Variants in VWCE observed in about 807,000 individuals in gnomAD.
The protein encoded by VWCE is von Willebrand factor C and EGF domain-containing protein.
VWCE carries 68 observed loss-of-function variants against 102.9 expected under a neutral mutation model. The ratio of observed to expected loss-of-function variants is 0.66; its 90% CI spans 0.54 to 0.81. VWCE has a LOEUF of 0.81. Ranked by LOEUF, VWCE falls within the 30% of genes least tolerant of loss-of-function variation. The pLI is 0.00. For missense variants in VWCE, 1,137 were observed against 1,263.6 expected, an observed-to-expected ratio of 0.90 and a Z score of 1.52; for synonymous variants, 497 against 515.4, an observed-to-expected ratio of 0.96 and a Z score of 0.48.
chr11:61,271,302 C>G (rs573676021), intron 14 of VWCE: 3 of 212,966 alleles, frequency 1.4e-5, no homozygotes, highest in Non-Finnish European at 2.9e-5. Context: ...CCTACCACCA[C>G]GCTCGGCTAA....
chr11:61,291,796 A>G (rs1357088137), intron 1 of VWCE, among the ~76,000 whole-genome samples: 1 of 152,266 alleles, frequency 6.6e-6, no homozygotes, highest in African/African-American at 2.4e-5. Context: ...CCTCCTACAG[A>G]TATCTGCCAC....
rs1854548043 is a variant in VWCE, at chr11:61,267,491, G to A, written c.1936C>T (p.Leu646=). 1.2e-6 allele frequency: 2 copies of A among 1,614,064 alleles called. No homozygotes were observed. Among genetic ancestry groups the A allele is most frequent in the Non-Finnish European group, 1.7e-6 (2 of 1,180,030 alleles). ...CAGATGCAGCTCAGACATGGGTCCA[G>A]CACAGACGGGAAGGTCTCGTTGTTA... ...FYNNETFPSV[L]DPCLSCICLL... is the part of the protein sequence containing the mutation. The change falls in exon 16 of 20, where the codon CTG becomes TTG. Residue 646 remains leucine, a synonymous_variant. Transcript: ENST00000335613.
chr11:61,286,413 T>A lies in VWCE; in HGVS notation c.442A>T (p.Thr148Ser). 1 of 1,612,420 alleles carries A rather than the reference T, an allele frequency of 6.2e-7. No individual in the cohort carries two copies. Among genetic ancestry groups the A allele is most frequent in the Non-Finnish European group, 8.5e-7 (1 of 1,179,982 alleles). The change falls in exon 5 of 20, where the codon ACC becomes TCC. Residue 148 changes from threonine to serine, a missense_variant. This residue lies in a region of VWCE where 575 missense variants were observed against 625.9 expected (regional missense o/e 0.92). Transcript: ENST00000335613. ...ACACAGTGGCCCTCGCAGGAGGAGG[T>A]TACACATTCGTCAATGTCTGGAAAG... is the stretch of plus-strand genomic sequence containing the variant. ...IRCTDIDECV[T>S]SSCEGHCVNT...
Position 61,294,016 on chromosome 11 carries a change from G to C in VWCE, c.110+912C>G, listed in dbSNP as rs149406192. Among the ~76,000 whole-genome samples the C allele has an allele frequency of 5.0e-3, 757 of 152,260 alleles. 9 individuals carry two copies. Among genetic ancestry groups the C allele is most frequent in the African/African-American group, 0.017 (709 of 41,556 alleles). Reference sequence around the variant, plus strand: ...GCGGAGCCTTGGGACTCTCAGAAACGGACAGGCAGTGCCACCAAGGCGGCA... The same window carrying C: ...GCGGAGCCTTGGGACTCTCAGAAACCGACAGGCAGTGCCACCAAGGCGGCA... On this transcript the variant is annotated intron_variant, in intron 1 of 19. Coordinates refer to ENST00000335613, the MANE Select transcript of VWCE (RefSeq NM_152718.2). The surrounding 1 kb of genome is among the most constrained non-coding windows in gnomAD (Gnocchi z 6.3).
intron 11 of VWCE, among the ~76,000 whole-genome samples, chr11:61,276,191 T>C (rs1165455155): frequency 6.6e-6 from 1 of 151,550 alleles, no homozygotes; most frequent in Non-Finnish European, 1.5e-5. Context: ...GTGGATCACC[T>C]GAGGTCAGGA....
At position 61,265,053 on chromosome 11, in the gene VWCE, G is replaced by A; in HGVS notation, c.2057-15C>T. On this transcript the variant is annotated splice_polypyrimidine_tract_variant and intron_variant, in intron 17 of 19. Transcript: ENST00000335613. ...GTAGTTGCAGTCTGTGGAGGAAGGG[G>A]AGACAGGAGCCCATGAGAGCCGAGG... 1 of 1,614,110 alleles carries A rather than the reference G, an allele frequency of 6.2e-7. No individual in the cohort carries two copies. Among genetic ancestry groups the A allele is most frequent in the African/African-American group, 1.3e-5 (1 of 75,040 alleles).
At chr11:61,277,093 G>A (rs1012040588) in intron 10 of VWCE, among the ~76,000 whole-genome samples, 3 of 137,764 alleles carry the variant, frequency 2.2e-5, no homozygotes, top group African/African-American at 8.1e-5. Flanking sequence ...GGAAGGAAGA[G>A]AGAAACAGAG....
chr11:61,264,583 G>A lies in VWCE; in HGVS notation c.2140-6C>T. 1 of 1,602,664 alleles carries A rather than the reference G, an allele frequency of 6.2e-7. No individual in the cohort carries two copies. The highest frequency in any genetic ancestry group is 8.5e-7 in the Non-Finnish European group (1 of 1,174,454). The stretch of plus-strand genomic sequence containing the variant: ...TCACAGCTCACCTCTCCCAGCTGGG[G>A]AAGCAGAAGGAACCCCATGAGGAAG... On this transcript the variant is annotated splice_region_variant and splice_polypyrimidine_tract_variant and intron_variant, in intron 18 of 19. Transcript: ENST00000335613.
intron 13 of VWCE, among the ~76,000 whole-genome samples, chr11:61,272,881 CAG>C (rs943625073): frequency 6.6e-6 from 1 of 151,818 alleles, no homozygotes; most frequent in Admixed American, 6.6e-5. Flanking sequence ...CACACACCCA[CAG>C]AGAGACACAT....
rs755232606 is a variant in VWCE, at chr11:61,280,830, C to T, written c.1193G>A (p.Arg398His). Residue 398 changes from arginine to histidine, a missense_variant, in exon 8 of 20, where the codon CGC becomes CAC. Transcript: ENST00000335613. ...HLGAMHESRS[R>H]WTEPGCSQCW... ...CTGGGAACACCCAGGCTCTGTCCAG[C>T]GACTCCTTGATTCATGCATGGCTCC... 5.8e-6 allele frequency: 9 copies of T among 1,562,080 alleles called. No individual in the cohort carries two copies. The highest frequency in any genetic ancestry group is 2.4e-5 in the South Asian group (2 of 81,742).
At chr11:61,272,159 TAC>T (rs577408334) in intron 13 of VWCE, among the ~76,000 whole-genome samples, 1 of 150,528 alleles carries the variant, frequency 6.6e-6, no homozygotes, top group Non-Finnish European at 1.5e-5. Context: ...CACATTTACA[TAC>T]ACACACAGAT....
intron 11 of VWCE, 115 bp downstream of exon 11, chr11:61,276,478 G>A: frequency 2.7e-6 from 2 of 742,542 alleles, no homozygotes; most frequent in East Asian, 3.3e-5. Flanking sequence ...AGCACTTTGA[G>A]AGGCTGAAGC....
At chr11:61,293,260 A>G (rs1283966442) in intron 1 of VWCE, among the ~76,000 whole-genome samples, 1 of 149,422 alleles carries the variant, frequency 6.7e-6, no homozygotes, top group Non-Finnish European at 1.5e-5. Context: ...AAAAAAAAAA[A>G]AAAAAAATTA....
Position 61,258,842 on chromosome 11 carries a change from G to A in VWCE, c.2701C>T (p.Leu901Phe). The A allele has an allele frequency of 1.3e-6, 2 of 1,518,542 alleles. No homozygotes were observed. Among genetic ancestry groups the A allele is most frequent in the Non-Finnish European group, 1.8e-6 (2 of 1,136,092 alleles). The allele number at this position is 1,518,542 out of a possible 1,614,324, so 94.1% of individuals were successfully genotyped here. ...GAGGGGCTGGGGTCCATCATGGAAA[G>A]TGCTGAAGCTTCCGTCAGGAGGGTG... Reference protein sequence around the residue: ...PGTLLTEASALSMMDPSPSKT... With the variant: ...PGTLLTEASAFSMMDPSPSKT... Residue 901 changes from leucine to phenylalanine, a missense_variant, in exon 20 of 20, where the codon CTT becomes TTT. This residue lies in a region of VWCE where 316 missense variants were observed against 319.3 expected (regional missense o/e 0.99). Transcript: ENST00000335613.
At chr11:61,286,474 G>A (rs1208582004) in intron 4 of VWCE, 44 bp from the exon 5 acceptor site, 1 of 1,566,104 alleles carries the variant, frequency 6.4e-7, no homozygotes, top group East Asian at 2.2e-5. Context: ...GTCCTCGCAA[G>A]AGGAACTTAC....
At position 61,286,330 on chromosome 11, in the gene VWCE, G is replaced by T. The variant is rs1855320741; in HGVS notation, c.525C>A (p.Asp175Glu). 3 of 1,609,180 alleles carry T rather than the reference G, an allele frequency of 1.9e-6. No homozygotes were observed. The highest frequency in any genetic ancestry group is 1.7e-6 in the Non-Finnish European group (2 of 1,179,998). ...ECGPGMQLSA[D>E]RHSCQDTDEC... ...GCAGCTCACCTTGGCAGCTGTGGCG[G>T]TCGGCAGACAGCTGCATGCCCGGCC... The change falls in exon 5 of 20, where the codon GAC (aspartate) becomes GAA (glutamate). Residue 175 changes from aspartate to glutamate, a missense_variant. Transcript: ENST00000335613.
intron 9 of VWCE, among the ~76,000 whole-genome samples, chr11:61,280,343 C>T (rs1288154150): frequency 6.6e-6 from 1 of 152,042 alleles, no homozygotes; most frequent in Non-Finnish European, 1.5e-5. Context: ...AAAAGTCCCC[C>T]TTGAGGCATA....
chr11:61,272,251 C>T (rs931313207), intron 13 of VWCE, among the ~76,000 whole-genome samples: 69 of 151,938 alleles, frequency 4.5e-4, no homozygotes, highest in Middle Eastern at 3.2e-3. Context: ...ATACAACTCA[C>T]ACAGACACAC....
chr11:61,278,371 T>A, intron 10 of VWCE, 23 bp downstream of exon 10: 2 of 1,613,752 alleles, frequency 1.2e-6, no homozygotes, highest in Non-Finnish European at 1.7e-6. Context: ...CCCACGAGGC[T>A]TTGAGGATCT....
Sources: allele counts gnomAD v4.1 joint callset (sites outside exome capture counted in the v4.1 genomes callset), GRCh38; gene constraint gnomAD v4.1.1; regional missense constraint gnomAD v4.1.1; non-coding constraint Gnocchi (gnomAD v3.1); transcripts MANE v1.5; gene names NCBI Gene and HGNC (gene_info 2026-07-23, HGNC 2026-07-21).